The following EXT2 variants were observed in gnomAD, a reference collection of about 807,000 sequenced individuals.
The protein encoded by EXT2 is exostosin-2.
A neutral mutation model predicts 81.6 loss-of-function variants in EXT2; 53 were observed. The ratio of observed to expected loss-of-function variants is 0.65; its 90% CI spans 0.52 to 0.82. The LOEUF is 0.82. Ranked by LOEUF, EXT2 falls within the 40% of genes least tolerant of loss-of-function variation. The probability of loss-of-function intolerance (pLI) is 0.00; values close to 1 mark genes in which losing one functional copy is unlikely to be tolerated. For missense variants in EXT2, 774 were observed against 910.2 expected (o/e 0.85, Z 1.93); for synonymous variants, 320 against 340.0 (o/e 0.94, Z 0.65).
chr11:44,157,201 T>C (rs565663772), intron 7 of EXT2, among the ~76,000 whole-genome samples: 1 of 152,212 alleles, frequency 6.6e-6, no homozygotes, highest in Non-Finnish European at 1.5e-5. Flanking sequence ...CAGCACTGGA[T>C]CTTTCCCAGG....
intron 3 of EXT2, 111 bp downstream of exon 3, chr11:44,109,394 A>T: frequency 9.9e-7 from 1 of 1,012,808 alleles, no homozygotes; most frequent in South Asian, 1.4e-5. Context: ...TGTTTATTAA[A>T]CTAGAAAATT....
intron 3 of EXT2, among the ~76,000 whole-genome samples, chr11:44,111,735 C>T (rs981936080): frequency 1.3e-5 from 2 of 152,144 alleles, no homozygotes; most frequent in East Asian, 1.9e-4. Flanking sequence ...TCTTGAGGCC[C>T]GTCTTGTTTC....
intron 4 of EXT2, chr11:44,116,024 T>C (rs932175570): frequency 6.6e-6 from 1 of 152,362 alleles, no homozygotes; most frequent in Admixed American, 6.5e-5. Context: ...TTGAGATTAA[T>C]TTATATACCA....
chr11:44,202,223 A>G (rs1032351195), intron 9 of EXT2, among the ~76,000 whole-genome samples: 3 of 152,198 alleles, frequency 2.0e-5, no homozygotes, highest in African/African-American at 7.2e-5. Context: ...GACTTTACAG[A>G]GGCAAGTTAG....
At chr11:44,241,389 C>A (rs991495313) in intron 13 of EXT2, among the ~76,000 whole-genome samples, 4 of 152,230 alleles carry the variant, frequency 2.6e-5, no homozygotes, top group South Asian at 2.1e-4. Flanking sequence ...ATCCGAACTT[C>A]AATCTGTTCA....
chr11:44,242,868 T>C (rs1356965891), intron 13 of EXT2, among the ~76,000 whole-genome samples: 1 of 152,170 alleles, frequency 6.6e-6, no homozygotes, highest in Admixed American at 6.5e-5. Flanking sequence ...CCTTTGAACA[T>C]GTTATTTATC....
chr11:44,198,133 C>A, intron 9 of EXT2, 115 bp downstream of exon 9: 1 of 1,040,614 alleles, frequency 9.6e-7, no homozygotes, highest in Non-Finnish European at 1.5e-6. Flanking sequence ...ATTTCTGAGA[C>A]AGCATGCCTC....
In EXT2 at chr11:44,126,810, C is replaced by T. The variant is rs1954411294; in HGVS notation, c.940-6C>T. ...TGTAATCTCTTGCCTCTTTGTGTTCCTGCAGGAGGCTACTTTCTGTGTGGT... is the reference window on the plus strand; with the variant it reads ...TGTAATCTCTTGCCTCTTTGTGTTCTTGCAGGAGGCTACTTTCTGTGTGGT... On this transcript the variant is annotated splice_polypyrimidine_tract_variant and splice_region_variant and intron_variant, in intron 5 of 13. Coordinates refer to ENST00000533608, the MANE Select transcript of EXT2 (RefSeq NM_207122.2). 2 of 1,614,140 alleles carry T rather than the reference C, an allele frequency of 1.2e-6. No homozygotes were observed. Among genetic ancestry groups the T allele is most frequent in the East Asian group, 2.2e-5 (1 of 44,882 alleles).
chr11:44,136,161 G>A (rs769241866), intron 7 of EXT2, among the ~76,000 whole-genome samples: 7 of 152,180 alleles, frequency 4.6e-5, no homozygotes, highest in Non-Finnish European at 1.0e-4. Flanking sequence ...GATGTACTGA[G>A]GGTTCCCTGT....
chr11:44,099,495 A>AT (rs968097375), intron 1 of EXT2, among the ~76,000 whole-genome samples: 2 of 147,726 alleles, frequency 1.4e-5, no homozygotes, highest in African/African-American at 5.0e-5. Context: ...TAATTTTTAT[A>AT]TTTTTTAGTA....
At chr11:44,205,359 A>G (rs376272720) in intron 9 of EXT2, among the ~76,000 whole-genome samples, 1 of 152,222 alleles carries the variant, frequency 6.6e-6, no homozygotes, top group Non-Finnish European at 1.5e-5. Context: ...TCTTTCAGCC[A>G]TGTGTTCATG....
chr11:44,212,597 T>G (rs1050984181), intron 10 of EXT2, among the ~76,000 whole-genome samples: 1 of 152,170 alleles, frequency 6.6e-6, no homozygotes, highest in Non-Finnish European at 1.5e-5. Context: ...TATAGAACAT[T>G]TTTTATATGA....
At chr11:44,125,870 C>T (rs955493198) in intron 5 of EXT2, among the ~76,000 whole-genome samples, 3 of 152,190 alleles carry the variant, frequency 2.0e-5, no homozygotes, top group African/African-American at 7.2e-5. Flanking sequence ...GATGCTGACT[C>T]TTGAGGTCAG....
rs1162810555 is a variant in EXT2 at position 44,119,146 on chromosome 11, A to T, written c.743+4845A>T. On this transcript the variant is annotated intron_variant, in intron 4 of 13. Transcript: ENST00000533608. ...TATTTATATATATATATATATATAT[A>T]TATATATATATATATATATATATAC... Among the ~76,000 whole-genome samples the T allele has an allele frequency of 9.3e-5, 4 of 42,902 alleles. 1 individual carries two copies. Among genetic ancestry groups the T allele is most frequent in the Non-Finnish European group, 2.2e-4 (4 of 18,250 alleles). 28.1% of individuals were successfully genotyped at this position (42,902 alleles called of 152,430 possible).
intron 8 of EXT2, among the ~76,000 whole-genome samples, chr11:44,185,155 A>T (rs1373329145): frequency 6.6e-6 from 1 of 152,136 alleles, no homozygotes; most frequent in Non-Finnish European, 1.5e-5. Context: ...CTCACTTCTA[A>T]CTTCCTTACT....
intron 8 of EXT2, among the ~76,000 whole-genome samples, chr11:44,186,049 G>T (rs1211062808): frequency 6.6e-6 from 1 of 152,194 alleles, no homozygotes; most frequent in Non-Finnish European, 1.5e-5. Flanking sequence ...TAAGTCACTA[G>T]TTTTTTCACT....
At chr11:44,135,124 A>G (rs1954546562) in intron 7 of EXT2, among the ~76,000 whole-genome samples, 1 of 152,224 alleles carries the variant, frequency 6.6e-6, no homozygotes, top group Admixed American at 6.5e-5. Context: ...AGTTGGGCCT[A>G]GTAGTGATCA....
intron 3 of EXT2, among the ~76,000 whole-genome samples, chr11:44,113,012 A>G (rs1264175491): frequency 6.6e-6 from 1 of 152,170 alleles, no homozygotes; most frequent in Non-Finnish European, 1.5e-5. Context: ...GCCCAAGTTC[A>G]TGTTGGATGG....
At chr11:44,137,653 A>T (rs1286492933) in intron 7 of EXT2, among the ~76,000 whole-genome samples, 1 of 152,026 alleles carries the variant, frequency 6.6e-6, no homozygotes, top group African/African-American at 2.4e-5. Context: ...ACAGTTGAGT[A>T]GTATGTGGAA....
Sources: gnomAD v4.1 joint callset for allele counts (sites outside exome capture counted in the v4.1 genomes callset) on GRCh38, gnomAD v4.1.1 for gene constraint, MANE v1.5 for transcripts, NCBI Gene and HGNC (gene_info 2026-07-23, HGNC 2026-07-21) for gene names.